The following SGK1 variants were observed in gnomAD, a reference collection of about 807,000 sequenced individuals.
The protein encoded by SGK1 is serum/glucocorticoid regulated kinase 1, also known as serine/threonine-protein kinase Sgk1.
SGK1 carries 26 observed loss-of-function variants against 64.2 expected under a neutral mutation model. The ratio of observed to expected loss-of-function variants is 0.40; its 90% confidence interval spans 0.30 to 0.56. The LOEUF is 0.56. Among genes scored for constraint, SGK1 ranks in the 20% least tolerant of loss-of-function variants. The pLI is 0.38. For missense variants in SGK1, 519 were observed against 645.6 expected (o/e 0.80, Z 2.12); for synonymous variants, 265 against 239.7 (o/e 1.11, Z -0.98).
chr6:134,205,293 C>T (rs1349042186), intron 3 of SGK1, among the ~76,000 whole-genome samples: 1 of 152,146 alleles, frequency 6.6e-6, no homozygotes, highest in Non-Finnish European at 1.5e-5. Context: ...TGCTGATGGA[C>T]TGAAATGATG....
chr6:134,300,926 G>T (rs568564233), intron 1 of SGK1, among the ~76,000 whole-genome samples: 1 of 152,004 alleles, frequency 6.6e-6, no homozygotes, highest in Non-Finnish European at 1.5e-5. Flanking sequence ...GAGCCACCGC[G>T]CCTGGCCAAG....
chr6:134,198,094 G>T (rs1408307978), intron 3 of SGK1, among the ~76,000 whole-genome samples: 2 of 152,094 alleles, frequency 1.3e-5, no homozygotes, highest in Admixed American at 6.5e-5. Flanking sequence ...AGGTTCTTAT[G>T]ACTGTGTCCT....
chr6:134,262,073 A>T lies in SGK1; in HGVS notation c.145T>A (p.Ser49Thr). 1 of 1,613,678 alleles carries T rather than the reference A, an allele frequency of 6.2e-7. No individual in the cohort carries two copies. Among genetic ancestry groups the T allele is most frequent in the Non-Finnish European group, 8.5e-7 (1 of 1,179,582 alleles). Reference sequence around the variant, plus strand: ...TCCCCTGGAGGGATGTGCACCATGGAGGAGCCGGTGTACTTCAGGCTGGGA... The same window carrying T: ...TCCCCTGGAGGGATGTGCACCATGGTGGAGCCGGTGTACTTCAGGCTGGGA... ...QSPSLKYTGS[S>T]MVHIPPGEPD... The change falls in exon 2 of 14, where the codon TCC becomes ACC. Residue 49 changes from serine to threonine, a missense_variant. This residue lies in a region of SGK1 where 241 missense variants were observed against 236.9 expected (regional missense o/e 1.02). Coordinates refer to ENST00000367858, the MANE Select transcript of SGK1 (RefSeq NM_001143676.3).
At chr6:134,296,971 G>A (rs1777361927) in intron 1 of SGK1, 1 of 418,758 alleles carries the variant, frequency 2.4e-6, no homozygotes, top group East Asian at 5.7e-5. Flanking sequence ...AAGAGGGGCA[G>A]GCTGGGAGGG....
chr6:134,312,854 C>A (rs1258886407), intron 1 of SGK1, among the ~76,000 whole-genome samples: 2 of 152,104 alleles, frequency 1.3e-5, no homozygotes, highest in Non-Finnish European at 2.9e-5. Flanking sequence ...CTCACTACAA[C>A]CTCCGCCTCC....
At chr6:134,315,226 T>C (rs1777661115) in intron 1 of SGK1, among the ~76,000 whole-genome samples, 1 of 152,092 alleles carries the variant, frequency 6.6e-6, no homozygotes, top group Non-Finnish European at 1.5e-5. Context: ...AATCAAAGAA[T>C]TTATCCCTGG....
chr6:134,232,981 T>G (rs1177055630), intron 2 of SGK1, among the ~76,000 whole-genome samples: 1 of 149,826 alleles, frequency 6.7e-6, no homozygotes, highest in Non-Finnish European at 1.5e-5. Context: ...TTTAATAATA[T>G]TTTAATATTA....
intron 3 of SGK1, among the ~76,000 whole-genome samples, chr6:134,206,342 T>TAG: frequency 7.8e-5 from 1 of 12,754 alleles, no homozygotes; most frequent in Non-Finnish European, 1.8e-4. Context: ...CCTGATGATA[T>TAG]ATATATATAT....
rs200869865 is a variant in SGK1 at position 134,289,183 on chromosome 6, G to GA, written c.70-27036dup. On this transcript the variant is annotated intron_variant, in intron 1 of 13. Transcript: ENST00000367858. Reference sequence around the variant, plus strand: ...ATACCTTTAGCCTTCATAGGGGCTGGAAAAAACTCTGTCTCCCTTGTCTAC... The same window carrying GA: ...ATACCTTTAGCCTTCATAGGGGCTGGAAAAAAACTCTGTCTCCCTTGTCTAC... 1.8e-3 allele frequency among the ~76,000 whole-genome samples: 271 copies of GA among 152,316 alleles called. 4 individuals carry two copies. The highest frequency in any genetic ancestry group is 6.1e-3 in the African/African-American group (255 of 41,560).
intron 3 of SGK1, among the ~76,000 whole-genome samples, chr6:134,202,247 T>G (rs1261705058): frequency 2.0e-5 from 3 of 152,170 alleles, no homozygotes. Context: ...GAATTCCATA[T>G]CTAGCAAAAA....
intron 1 of SGK1, among the ~76,000 whole-genome samples, chr6:134,311,469 C>T (rs1042893499): frequency 6.6e-6 from 1 of 151,952 alleles, no homozygotes; most frequent in South Asian, 2.1e-4. Flanking sequence ...ATGGTGAAAC[C>T]CTGTCTCTAC....
At chr6:134,241,673 T>G (rs1776448909) in intron 2 of SGK1, among the ~76,000 whole-genome samples, 1 of 152,168 alleles carries the variant, frequency 6.6e-6, no homozygotes, top group South Asian at 2.1e-4. Context: ...CAGGCTGGAG[T>G]GCAGTGGGAC....
At chr6:134,171,518 C>G (rs1208283826) in intron 11 of SGK1, 119 bp downstream of exon 11, 8 of 688,912 alleles carry the variant, frequency 1.2e-5, no homozygotes, top group African/African-American at 1.8e-5. Flanking sequence ...CAATATGCCT[C>G]TTAGCTGCTT....
intron 1 of SGK1, among the ~76,000 whole-genome samples, chr6:134,316,150 T>C (rs1247309638): frequency 6.6e-6 from 1 of 152,206 alleles, no homozygotes; most frequent in Non-Finnish European, 1.5e-5. Context: ...TGATGAGAAC[T>C]CAGTCAAGGG....
At chr6:134,244,695 T>C (rs1776499100) in intron 2 of SGK1, among the ~76,000 whole-genome samples, 1 of 152,234 alleles carries the variant, frequency 6.6e-6, no homozygotes, top group African/African-American at 2.4e-5. Flanking sequence ...CAGTTGGAAA[T>C]GCAGAAATCA....
chr6:134,232,945 T>C (rs1292683770), intron 2 of SGK1, among the ~76,000 whole-genome samples: 1 of 152,034 alleles, frequency 6.6e-6, no homozygotes, highest in African/African-American at 2.4e-5. Flanking sequence ...GGAGTACGGA[T>C]GCTCTTGTTT....
chr6:134,233,545 G>A (rs1462352554), intron 2 of SGK1, among the ~76,000 whole-genome samples: 2 of 152,168 alleles, frequency 1.3e-5, no homozygotes, highest in Non-Finnish European at 2.9e-5. Context: ...TACTGAATAT[G>A]CCAGACACGG....
rs376857217 is a variant in SGK1 at position 134,174,713 on chromosome 6, G to T, written c.362-127C>A. 1.8e-5 allele frequency: 29 copies of T among 1,613,902 alleles called. No individual in the cohort carries two copies. In the African/African-American group the frequency reaches 3.1e-4, roughly 17 times the overall value. On this transcript the variant is annotated intron_variant, in intron 3 of 13. Coordinates refer to ENST00000367858, the MANE Select transcript of SGK1 (RefSeq NM_001143676.3). ...TTGCGTCTCCTGGAGCAGAAGTCCC[G>T]CAAGATTCCTGCACTCACCGATGAG...
intron 2 of SGK1, among the ~76,000 whole-genome samples, chr6:134,231,603 T>G (rs1005334772): frequency 6.6e-6 from 1 of 152,234 alleles, no homozygotes; most frequent in African/African-American, 2.4e-5. Context: ...AGGTAATTTA[T>G]CTCAAATAAA....
Sources: gnomAD v4.1 joint callset for allele counts (sites outside exome capture counted in the v4.1 genomes callset) on GRCh38, gnomAD v4.1.1 for gene constraint, gnomAD v4.1.1 regional missense constraint, MANE v1.5 for transcripts, NCBI Gene and HGNC (gene_info 2026-07-23, HGNC 2026-07-21) for gene names.